Variants in CACNA2D1 observed in about 807,000 individuals in gnomAD.
The protein encoded by CACNA2D1 is calcium voltage-gated channel auxiliary subunit alpha2delta 1, also known as voltage-dependent calcium channel subunit alpha-2/delta-1.
In CACNA2D1, 53 loss-of-function variants were observed where a neutral mutation model predicts 171.5. That is an observed-to-expected ratio of 0.31 (90% CI 0.25 to 0.39). The LOEUF is 0.39. Among genes scored for constraint, CACNA2D1 ranks in the 10% least tolerant of loss-of-function variants. The pLI is 1.00. For synonymous variants in CACNA2D1, 442 were observed against 443.1 expected (o/e 1.00, Z 0.03); for missense variants, 903 against 1,299.8 (o/e 0.69, Z 4.69).
At chr7:81,968,272 A>G (rs1022373639) in intron 29 of CACNA2D1, among the ~76,000 whole-genome samples, 5 of 151,420 alleles carry the variant, frequency 3.3e-5, no homozygotes, top group African/African-American at 9.7e-5. Context: ...ATACAATCAA[A>G]AAAACTAATA....
In CACNA2D1 at chr7:82,240,831, G is replaced by A. The variant is rs150082145; in HGVS notation, c.295-70222C>T. On this transcript the variant is annotated intron_variant, in intron 3 of 38. Transcript: ENST00000356860. ...AAAATACAAAAATTAGCTGGGTGTG[G>A]TAGTGCACGCCTGTAGCTCCAGCTA... Among the ~76,000 whole-genome samples, 951 of 152,114 alleles carry A rather than the reference G, an allele frequency of 6.3e-3. 15 individuals are homozygous for A. The highest frequency in any genetic ancestry group is 0.022 in the African/African-American group (908 of 41,490).
intron 6 of CACNA2D1, among the ~76,000 whole-genome samples, chr7:82,098,574 T>C (rs1347569719): frequency 6.6e-6 from 1 of 152,162 alleles, no homozygotes; most frequent in Admixed American, 6.5e-5. Context: ...TCCATTAGAA[T>C]GATGAGGTAA....
At chr7:82,230,169 C>T (rs1393894347) in intron 3 of CACNA2D1, among the ~76,000 whole-genome samples, 4 of 152,174 alleles carry the variant, frequency 2.6e-5, no homozygotes, top group African/African-American at 9.7e-5. Context: ...TTTGTGCTCC[C>T]TTCCAGGCAC....
intron 3 of CACNA2D1, among the ~76,000 whole-genome samples, chr7:82,178,547 C>T (rs1796793612): frequency 6.6e-6 from 1 of 152,104 alleles, no homozygotes; most frequent in African/African-American, 2.4e-5. Flanking sequence ...CCACCATCAT[C>T]CAAAGATTCT....
chr7:82,178,396 C>T (rs1401444388), intron 3 of CACNA2D1, among the ~76,000 whole-genome samples: 1 of 152,146 alleles, frequency 6.6e-6, no homozygotes, highest in Admixed American at 6.6e-5. Flanking sequence ...CAACAATTAT[C>T]ATACCTTCTT....
intron 2 of CACNA2D1, among the ~76,000 whole-genome samples, chr7:82,335,562 T>A (rs1817898823): frequency 6.6e-6 from 1 of 152,198 alleles, no homozygotes; most frequent in East Asian, 1.9e-4. Context: ...TTATCTGTCA[T>A]CAGCATCGTA....
At chr7:82,199,993 G>A (rs79957096) in intron 3 of CACNA2D1, among the ~76,000 whole-genome samples, 2 of 152,140 alleles carry the variant, frequency 1.3e-5, no homozygotes, top group African/African-American at 4.8e-5. Context: ...ATACTGCATG[G>A]TTCCATTTTA....
At chr7:82,073,870 T>C (rs1808639317) in intron 7 of CACNA2D1, among the ~76,000 whole-genome samples, 1 of 152,090 alleles carries the variant, frequency 6.6e-6, no homozygotes, top group African/African-American at 2.4e-5. Flanking sequence ...CAAAATGCTT[T>C]GATTACAGGC....
At chr7:82,403,143 G>C (rs986231923) in intron 1 of CACNA2D1, among the ~76,000 whole-genome samples, 11 of 152,122 alleles carry the variant, frequency 7.2e-5, no homozygotes, top group Non-Finnish European at 1.0e-4. Context: ...GGTAAGGGGA[G>C]AAGACTGGGA....
intron 4 of CACNA2D1, among the ~76,000 whole-genome samples, chr7:82,162,000 G>A (rs1794991983): frequency 1.3e-5 from 2 of 152,056 alleles, no homozygotes; most frequent in Admixed American, 1.3e-4. Flanking sequence ...GAGGTTTCCT[G>A]ATAACTAAAG....
chr7:81,959,692 TCC>T (rs764301321), intron 37 of CACNA2D1, 26 bp downstream of exon 37: 2 of 1,603,522 alleles, frequency 1.2e-6, no homozygotes, highest in Non-Finnish European at 1.7e-6. Context: ...GGTTTTCCTT[TCC>T]AGATAGCTCT....
At chr7:82,274,941 GAATAA>G (rs1238122084) in intron 3 of CACNA2D1, among the ~76,000 whole-genome samples, 2 of 151,990 alleles carry the variant, frequency 1.3e-5, no homozygotes, top group Non-Finnish European at 2.9e-5. Flanking sequence ...TAACTTAAAG[GAATAA>G]AATAAAACAA....
rs1364657892 is a variant in CACNA2D1, at chr7:82,099,640, A to G, written c.527-14740T>C. Among the ~76,000 whole-genome samples, 71 of 80,856 alleles carry G rather than the reference A, an allele frequency of 8.8e-4. 3 individuals carry two copies. Among genetic ancestry groups the G allele is most frequent in the African/African-American group, 2.5e-3 (64 of 25,132 alleles). The allele number at this position is 80,856 out of a possible 152,430, so 53.0% of individuals were successfully genotyped here. ...AATTTTTTGTATTTTTAGTAGAGAC[A>G]GGGTTTCACCGTGTTAGCCGGGATG... On this transcript the variant is annotated intron_variant, in intron 6 of 38. Transcript: ENST00000356860.
intron 7 of CACNA2D1, among the ~76,000 whole-genome samples, chr7:82,082,074 C>T (rs571770388): frequency 3.3e-5 from 5 of 152,288 alleles, no homozygotes; most frequent in African/African-American, 7.2e-5. Context: ...CTTTAAGTCC[C>T]GCCATCTGCA....
Position 82,247,590 on chromosome 7 carries a change from C to T in CACNA2D1, c.295-76981G>A, listed in dbSNP as rs1805088348. The stretch of plus-strand genomic sequence containing the variant: ...GAGGTCTGTCCAAAGTAAATCCAAG[C>T]ATGCATTGCTGAATCAGCTAGTGCT... On this transcript the variant is annotated intron_variant, in intron 3 of 38. Transcript: ENST00000356860. Among the ~76,000 whole-genome samples, 3 of 152,098 alleles carry T rather than the reference C, an allele frequency of 2.0e-5. No individual in the cohort carries two copies. The South Asian group carries it at 6.2e-4, about 32-fold the overall frequency.
intron 38 of CACNA2D1, among the ~76,000 whole-genome samples, chr7:81,956,528 T>TATATCAATTTTTA (rs1793372300): frequency 6.6e-6 from 1 of 151,958 alleles, no homozygotes; most frequent in Non-Finnish European, 1.5e-5. Flanking sequence ...TAATTGCCTA[T>TATATCAATTTTTA]ATATCAATTT....
At chr7:82,334,024 C>T (rs1817691574) in intron 3 of CACNA2D1, among the ~76,000 whole-genome samples, 3 of 152,014 alleles carry the variant, frequency 2.0e-5, no homozygotes, top group South Asian at 2.1e-4. Flanking sequence ...ATCAGGAATA[C>T]ATAACCTACA....
In CACNA2D1 at chr7:82,032,900, T is replaced by C; in HGVS notation, c.1040A>G (p.Tyr347Cys). Residue 347 changes from tyrosine to cysteine, a missense_variant and splice_region_variant, in exon 12 of 39, where the codon TAT (tyrosine) becomes TGT (cysteine). By Grantham distance (194) the Tyr-to-Cys change is radical. This residue lies in a region of CACNA2D1 where 623 missense variants were observed against 925.5 expected (regional missense o/e 0.67). Coordinates refer to ENST00000356860, the MANE Select transcript of CACNA2D1 (RefSeq NM_000722.4). ...FSFAFEQLLNYNVSRANCNKI... is the reference protein window; with the variant it reads ...FSFAFEQLLNCNVSRANCNKI... ...ATTGCAGTTTGCTCTGGAAACATTA[T>C]ACTGTTAAAAACAAAACCAAACAAA... 1 of 1,555,332 alleles carries C rather than the reference T, an allele frequency of 6.4e-7. No homozygotes were observed. Among genetic ancestry groups the C allele is most frequent in the Non-Finnish European group, 8.9e-7 (1 of 1,128,078 alleles).
At chr7:82,414,434 C>T (rs1827974621) in intron 1 of CACNA2D1, among the ~76,000 whole-genome samples, 1 of 152,142 alleles carries the variant, frequency 6.6e-6, no homozygotes, top group Non-Finnish European at 1.5e-5. Flanking sequence ...ACACATATTA[C>T]AGAAGTGGTT....
Sources: allele counts gnomAD v4.1 joint callset (sites outside exome capture counted in the v4.1 genomes callset), GRCh38; gene constraint gnomAD v4.1.1; regional missense constraint gnomAD v4.1.1; transcripts MANE v1.5; gene names NCBI Gene and HGNC (gene_info 2026-07-23, HGNC 2026-07-21).